Variants in CDH4 observed in about 807,000 individuals in gnomAD.
CDH4 encodes the protein cadherin-4.
CDH4 carries 33 observed loss-of-function variants against 86.0 expected under a neutral mutation model. The ratio of observed to expected loss-of-function variants is 0.38; its 90% CI spans 0.29 to 0.51. The LOEUF (loss-of-function observed/expected upper bound fraction) is 0.51, where lower values mean the gene tolerates loss of function less well. Ranked by LOEUF, CDH4 falls within the 20% of genes least tolerant of loss-of-function variation. The pLI is 0.86. For synonymous variants in CDH4, 555 were observed against 549.4 expected, an observed-to-expected ratio of 1.01 and a Z score of -0.14; for missense variants, 1,114 against 1,307.4, an observed-to-expected ratio of 0.85 and a Z score of 2.28.
intron 2 of CDH4, among the ~76,000 whole-genome samples, chr20:61,493,218 G>A (rs956272808): frequency 2.0e-5 from 3 of 152,176 alleles, no homozygotes; most frequent in Non-Finnish European, 4.4e-5. Context: ...GCCCACACTC[G>A]CTGTGGGCCT....
chr20:61,626,828 C>G (rs2086833885), intron 2 of CDH4, among the ~76,000 whole-genome samples: 1 of 152,130 alleles, frequency 6.6e-6, no homozygotes, highest in Non-Finnish European at 1.5e-5. Flanking sequence ...AAATTGCGCT[C>G]GAAGGGTCAG....
chr20:61,917,929 G>A (rs2054922866), intron 9 of CDH4, among the ~76,000 whole-genome samples: 1 of 152,240 alleles, frequency 6.6e-6, no homozygotes. Flanking sequence ...CGCATGACAT[G>A]CAGCATTATT....
intron 2 of CDH4, among the ~76,000 whole-genome samples, chr20:61,509,149 G>A (rs982126142): frequency 2.6e-5 from 4 of 152,122 alleles, no homozygotes; most frequent in Non-Finnish European, 5.9e-5. Flanking sequence ...CCTGCAGCAG[G>A]AGAGCCAGCT....
chr20:61,858,618 T>A (rs537235899), intron 6 of CDH4, among the ~76,000 whole-genome samples: 1 of 152,320 alleles, frequency 6.6e-6, no homozygotes, highest in East Asian at 1.9e-4. Flanking sequence ...CGACTCTATT[T>A]TCATCTGTAG....
chr20:61,493,221 G>A (rs1025943189), intron 2 of CDH4, among the ~76,000 whole-genome samples: 2 of 152,192 alleles, frequency 1.3e-5, no homozygotes, highest in Non-Finnish European at 2.9e-5. Flanking sequence ...CACACTCGCT[G>A]TGGGCCTTTC....
At chr20:61,513,456 G>A (rs190105087) in intron 2 of CDH4, among the ~76,000 whole-genome samples, 144 of 152,326 alleles carry the variant, frequency 9.5e-4, no homozygotes, top group African/African-American at 3.0e-3. Flanking sequence ...CAACCCCACA[G>A]GCCACATCCT....
intron 6 of CDH4, among the ~76,000 whole-genome samples, chr20:61,857,825 G>A (rs538644237): frequency 9.8e-5 from 15 of 152,344 alleles, no homozygotes; most frequent in African/African-American, 1.2e-4. Flanking sequence ...ACTGACCTTC[G>A]TACCGGCCAC....
intron 6 of CDH4, among the ~76,000 whole-genome samples, chr20:61,863,744 AG>A (rs1390247439): frequency 6.6e-6 from 1 of 152,210 alleles, no homozygotes; most frequent in Non-Finnish European, 1.5e-5. Context: ...GGTGCAGAGG[AG>A]GAGCCGAGGC....
chr20:61,327,366 A>T lies in CDH4; in HGVS notation c.169+72429A>T, dbSNP rs140310675. On this transcript the variant is annotated intron_variant, in intron 2 of 15. Coordinates refer to ENST00000614565, the MANE Select transcript of CDH4 (RefSeq NM_001794.5). ...GAAATCAATAAGATAAACACCCACA[A>T]CTCAATTTGGTGGAGGTTGGGGATG... Among the ~76,000 whole-genome samples the T allele has an allele frequency of 1.2e-4, 19 of 152,254 alleles. No homozygotes were observed. In the East Asian group the frequency reaches 3.7e-3, roughly 29 times the overall value.
intron 2 of CDH4, among the ~76,000 whole-genome samples, chr20:61,405,921 C>T (rs1314029221): frequency 6.6e-6 from 1 of 152,178 alleles, no homozygotes; most frequent in Non-Finnish European, 1.5e-5. Context: ...ACCTCATGAT[C>T]CATCCGCCTC....
chr20:61,422,237 T>A (rs1319262177), intron 2 of CDH4, among the ~76,000 whole-genome samples: 1 of 151,694 alleles, frequency 6.6e-6, no homozygotes, highest in African/African-American at 2.4e-5. Flanking sequence ...GACCCCTGAC[T>A]AACATGGAGA....
chr20:61,852,671 C>T, intron 5 of CDH4, 83 bp from the exon 6 acceptor site: 2 of 1,464,040 alleles, frequency 1.4e-6, no homozygotes, highest in Non-Finnish European at 9.2e-7. Context: ...AGTCTCCTAC[C>T]CCAGCACCGC....
intron 3 of CDH4, among the ~76,000 whole-genome samples, chr20:61,760,535 G>T (rs1448123422): frequency 6.6e-6 from 1 of 152,246 alleles, no homozygotes; most frequent in Non-Finnish European, 1.5e-5. Context: ...CGCTGGGCAG[G>T]TCGTGCAACC....
chr20:61,445,838 T>G (rs927395675), intron 2 of CDH4, among the ~76,000 whole-genome samples: 2 of 152,222 alleles, frequency 1.3e-5, no homozygotes, highest in Non-Finnish European at 2.9e-5. Context: ...TGATTTGACA[T>G]GGGGAGGGAG....
At chr20:61,646,694 C>G (rs1198513399) in intron 2 of CDH4, among the ~76,000 whole-genome samples, 1 of 152,252 alleles carries the variant, frequency 6.6e-6, no homozygotes, top group Non-Finnish European at 1.5e-5. Context: ...GGCGCCCCGG[C>G]TGCTCGCCTG....
intron 9 of CDH4, among the ~76,000 whole-genome samples, chr20:61,923,171 C>G (rs543237361): frequency 6.6e-6 from 1 of 152,340 alleles, no homozygotes; most frequent in Middle Eastern, 3.4e-3. Context: ...GCAGCCCCCC[C>G]AGGAGGAGCC....
rs144285327 is a variant in CDH4, at chr20:61,566,128, G to A, written c.170-177435G>A. Among the ~76,000 whole-genome samples, 451 of 152,188 alleles carry A rather than the reference G, an allele frequency of 3.0e-3. 4 individuals carry two copies. Among genetic ancestry groups the A allele is most frequent in the African/African-American group, 0.01 (429 of 41,526 alleles). On this transcript the variant is annotated intron_variant, in intron 2 of 15. Coordinates refer to ENST00000614565, the MANE Select transcript of CDH4 (RefSeq NM_001794.5). Reference sequence around the variant, plus strand: ...GCTGGGGCATCACTGGGCTGCTCTCGTCCCCGACAGACTCACCCACTTCTT... The same window carrying A: ...GCTGGGGCATCACTGGGCTGCTCTCATCCCCGACAGACTCACCCACTTCTT...
chr20:61,406,131 A>G (rs2085080659), intron 2 of CDH4, among the ~76,000 whole-genome samples: 2 of 152,164 alleles, frequency 1.3e-5, no homozygotes, highest in African/African-American at 4.8e-5. Context: ...GCAAGGTTAC[A>G]ATCTCTGTCG....
rs2085830745 is a variant in CDH4, at chr20:61,517,527, T to C, written c.170-226036T>C. 2.0e-5 allele frequency among the ~76,000 whole-genome samples: 3 copies of C among 151,998 alleles called. No individual in the cohort carries two copies. In the South Asian group the frequency reaches 6.2e-4, roughly 32 times the overall value. On this transcript the variant is annotated intron_variant, in intron 2 of 15. Coordinates refer to ENST00000614565, the MANE Select transcript of CDH4 (RefSeq NM_001794.5). The surrounding 1 kb of genome is among the most constrained non-coding windows in gnomAD (Gnocchi z 6.6). ...TTTTGTGTCTGGCGGCTTTTAAGAGTCAGACTTGTTTATAGTCCCCCCAGT... is the reference window on the plus strand; with the variant it reads ...TTTTGTGTCTGGCGGCTTTTAAGAGCCAGACTTGTTTATAGTCCCCCCAGT...
Sources: gnomAD v4.1 joint callset for allele counts (sites outside exome capture counted in the v4.1 genomes callset) on GRCh38, gnomAD v4.1.1 for gene constraint, Gnocchi (gnomAD v3.1) non-coding constraint, MANE v1.5 for transcripts, NCBI Gene and HGNC (gene_info 2026-07-23, HGNC 2026-07-21) for gene names.